TENM4: variants seen among roughly 807,000 people sequenced by gnomAD.
TENM4 encodes teneurin-4.
In TENM4, 82 loss-of-function variants were observed where a neutral mutation model predicts 243.3. The observed-to-expected ratio is 0.34, with a 90% confidence interval of 0.28 to 0.40. The LOEUF (loss-of-function observed/expected upper bound fraction) is 0.40, where lower values mean the gene tolerates loss of function less well. Among genes scored for constraint, TENM4 ranks in the 10% least tolerant of loss-of-function variants. The probability of loss-of-function intolerance (pLI) is 1.00; values close to 1 mark genes in which losing one functional copy is unlikely to be tolerated. For missense variants in TENM4, 3,138 were observed against 3,673.3 expected (o/e 0.85, Z 3.77); for synonymous variants, 1,412 against 1,456.3 (o/e 0.97, Z 0.69).
chr11:78,980,607 A>T (rs905485770), intron 6 of TENM4, among the ~76,000 whole-genome samples: 13 of 152,258 alleles, frequency 8.5e-5, no homozygotes, highest in African/African-American at 3.1e-4. Context: ...ACAGTAGCGA[A>T]GTCTGGCTTA....
intron 1 of TENM4, among the ~76,000 whole-genome samples, chr11:79,362,134 T>C (rs1051594362): frequency 2.6e-4 from 40 of 152,188 alleles, no homozygotes; most frequent in African/African-American, 8.9e-4. Context: ...AAATGGCTTG[T>C]CCAAGTTCAT....
At chr11:78,743,770 A>G (rs1297754482) in intron 19 of TENM4, among the ~76,000 whole-genome samples, 4 of 152,208 alleles carry the variant, frequency 2.6e-5, no homozygotes, top group Non-Finnish European at 4.4e-5. Flanking sequence ...TTCAATGTAT[A>G]TTATACAAGC....
intron 12 of TENM4, among the ~76,000 whole-genome samples, chr11:78,846,408 T>C (rs972794574): frequency 6.6e-6 from 1 of 152,156 alleles, no homozygotes; most frequent in African/African-American, 2.4e-5. Flanking sequence ...CCAGTGACAG[T>C]ACATGCCTGC....
At chr11:79,319,494 C>A (rs546072629) in intron 1 of TENM4, among the ~76,000 whole-genome samples, 1 of 152,128 alleles carries the variant, frequency 6.6e-6, no homozygotes, top group East Asian at 1.9e-4. Context: ...TAAATAGATT[C>A]ATATAAAATC....
rs562828914 is a variant in TENM4, at chr11:78,762,634, C to T, written c.2540-5613G>A. ...ACAAATATTTGCTGAGTAGTAACTG[C>T]GGACAAAACTTCCACCAATGGAGGC... On this transcript the variant is annotated intron_variant, in intron 18 of 33. Coordinates refer to ENST00000278550, the MANE Select transcript of TENM4 (RefSeq NM_001098816.3). Among the ~76,000 whole-genome samples, 28 of 152,252 alleles carry T rather than the reference C, an allele frequency of 1.8e-4. No homozygotes were observed. The South Asian group carries it at 5.2e-3, about 28-fold the overall frequency.
At chr11:79,260,923 A>T (rs927342062) in intron 2 of TENM4, among the ~76,000 whole-genome samples, 4 of 152,234 alleles carry the variant, frequency 2.6e-5, no homozygotes, top group African/African-American at 9.6e-5. Context: ...CTGGGCTATG[A>T]AAACGATGTT....
chr11:79,062,852 G>T (rs1860136947), intron 6 of TENM4, among the ~76,000 whole-genome samples: 1 of 152,106 alleles, frequency 6.6e-6, no homozygotes, highest in African/African-American at 2.4e-5. Flanking sequence ...CTCAAGTTCA[G>T]TGCGTGGTCG....
chr11:78,860,883 T>C (rs1303761108), intron 10 of TENM4, among the ~76,000 whole-genome samples: 1 of 152,208 alleles, frequency 6.6e-6, no homozygotes, highest in Non-Finnish European at 1.5e-5. Flanking sequence ...TGGTGCAATT[T>C]TATTTTATCT....
chr11:78,893,913 G>A (rs1457434451), intron 7 of TENM4, among the ~76,000 whole-genome samples: 1 of 151,982 alleles, frequency 6.6e-6, no homozygotes, highest in Non-Finnish European at 1.5e-5. Context: ...ATATATATAT[G>A]CTTATCTGAT....
At chr11:79,030,346 G>T (rs1859194172) in intron 6 of TENM4, among the ~76,000 whole-genome samples, 1 of 152,170 alleles carries the variant, frequency 6.6e-6, no homozygotes, top group Admixed American at 6.5e-5. Context: ...AGCCCAGGTT[G>T]GGTTCCCAAG....
intron 17 of TENM4, among the ~76,000 whole-genome samples, chr11:78,771,983 G>T (rs1856655033): frequency 6.6e-6 from 1 of 152,152 alleles, no homozygotes. Flanking sequence ...GGTGCATGAA[G>T]CCTATCAAAG....
chr11:79,211,657 T>C (rs563503057), intron 3 of TENM4, among the ~76,000 whole-genome samples: 1 of 152,390 alleles, frequency 6.6e-6, no homozygotes, highest in South Asian at 2.1e-4. Context: ...AAAGTCATTA[T>C]TCATAAAAAT....
At chr11:79,367,474 C>G (rs1857698837) in intron 1 of TENM4, among the ~76,000 whole-genome samples, 1 of 152,190 alleles carries the variant, frequency 6.6e-6, no homozygotes, top group Admixed American at 6.5e-5. Context: ...AATTCCTATT[C>G]CTTCTGCCAA....
chr11:79,353,150 C>G (rs1857442782), intron 1 of TENM4, among the ~76,000 whole-genome samples: 1 of 152,164 alleles, frequency 6.6e-6, no homozygotes, highest in African/African-American at 2.4e-5. Context: ...CAAAGCTTAA[C>G]CAGCACGAGG....
chr11:79,011,890 C>G (rs1858651139), intron 6 of TENM4, among the ~76,000 whole-genome samples: 1 of 152,236 alleles, frequency 6.6e-6, no homozygotes, highest in South Asian at 2.1e-4. Flanking sequence ...CTGATTCAGA[C>G]TAAATACCGA....
chr11:78,702,162 G>A lies in TENM4; in HGVS notation c.4451C>T (p.Ala1484Val). 4 of 1,613,982 alleles carry A rather than the reference G, an allele frequency of 2.5e-6. No individual in the cohort carries two copies. Among genetic ancestry groups the A allele is most frequent in the Non-Finnish European group, 2.5e-6 (3 of 1,179,894 alleles). ...AVSHNGVLYI[A>V]ETDEKKINRI... is the part of the protein sequence containing the mutation. The stretch of plus-strand genomic sequence containing the variant: ...GTTGATCTTTTTCTCATCAGTCTCA[G>A]CAATATACAGGACCCCATTGTGTGA... Residue 1484 changes from alanine to valine, a missense_variant, in exon 28 of 34, where the codon GCT becomes GTT. Around this residue, in one of 2 missense-constraint regions of TENM4, gnomAD observed 2,467 missense variants for 3,059.1 expected, o/e 0.81. Transcript: ENST00000278550.
At chr11:79,020,990 C>A (rs1858912491) in intron 6 of TENM4, among the ~76,000 whole-genome samples, 1 of 152,218 alleles carries the variant, frequency 6.6e-6, no homozygotes, top group African/African-American at 2.4e-5. Flanking sequence ...AATGCCCTTT[C>A]CTGAGTGCTT....
chr11:79,180,710 G>T (rs1452787443), intron 3 of TENM4, among the ~76,000 whole-genome samples: 1 of 151,452 alleles, frequency 6.6e-6, no homozygotes, highest in Non-Finnish European at 1.5e-5. Context: ...TGGGCATAGT[G>T]GTGTGCACCT....
At chr11:79,030,526 G>A (rs568813174) in intron 6 of TENM4, among the ~76,000 whole-genome samples, 1 of 152,176 alleles carries the variant, frequency 6.6e-6, no homozygotes, top group Non-Finnish European at 1.5e-5. Context: ...CAGGCAGGGA[G>A]GAGAGACAGC....
Sources: allele counts gnomAD v4.1 joint callset (sites outside exome capture counted in the v4.1 genomes callset), GRCh38; gene constraint gnomAD v4.1.1; regional missense constraint gnomAD v4.1.1; transcripts MANE v1.5; gene names NCBI Gene and HGNC (gene_info 2026-07-23, HGNC 2026-07-21).